NSD2: variants seen among roughly 807,000 people sequenced by gnomAD.
NSD2 encodes histone-lysine N-methyltransferase NSD2.
In NSD2, 12 loss-of-function variants were observed where a neutral mutation model predicts 139.0. That is an observed-to-expected ratio of 0.09 (90% confidence interval 0.06 to 0.14). The LOEUF (loss-of-function observed/expected upper bound fraction) is 0.14. NSD2 is among the 10% of genes least tolerant of loss of function. The pLI is 1.00. For synonymous variants in NSD2, 669 were observed against 648.7 expected (o/e 1.03, Z -0.48); for missense variants, 1,155 against 1,745.0 (o/e 0.66, Z 6.02).
chr4:1,916,782 AG>A (rs1051320673), intron 3 of NSD2, 88 bp from the exon 4 acceptor site: 1 of 1,354,544 alleles, frequency 7.4e-7, no homozygotes, highest in African/African-American at 1.5e-5. Flanking sequence ...GACAACACCA[AG>A]GGAAACAACT....
At chr4:1,877,833 TC>T (rs1393137001) in intron 1 of NSD2, among the ~76,000 whole-genome samples, 1 of 152,084 alleles carries the variant, frequency 6.6e-6, no homozygotes, top group Non-Finnish European at 1.5e-5. Flanking sequence ...TTTGTGCTTC[TC>T]CCTCTCGGGC....
chr4:1,898,584 C>A (rs182787950), intron 1 of NSD2, among the ~76,000 whole-genome samples: 24 of 150,180 alleles, frequency 1.6e-4, no homozygotes, highest in African/African-American at 5.4e-4. Context: ...GAATTGAACC[C>A]GGGAGGTGGA....
rs1399716256 is a variant in NSD2 at position 1,980,544 on chromosome 4, C to T, written c.*1635C>T. The T allele has an allele frequency of 2.6e-5, 6 of 233,086 alleles. No individual in the cohort carries two copies. The highest frequency in any genetic ancestry group is 4.2e-5 in the Non-Finnish European group (5 of 118,004). 14.4% of individuals were successfully genotyped at this position (233,086 alleles called of 1,614,324 possible). On this transcript the variant is annotated 3_prime_UTR_variant, in exon 22 of 22. Transcript: ENST00000508803. ...ATCTTTTATGCCTTGGTAAAAACTGCAGTGTCTTTGGACCTGAGAGTGGCT... is the reference window on the plus strand; with the variant it reads ...ATCTTTTATGCCTTGGTAAAAACTGTAGTGTCTTTGGACCTGAGAGTGGCT...
intron 6 of NSD2, among the ~76,000 whole-genome samples, chr4:1,931,336 C>T (rs1378365994): frequency 2.0e-5 from 3 of 152,100 alleles, no homozygotes; most frequent in East Asian, 3.9e-4. Context: ...CCTAGGCCTT[C>T]GGCTTAAAAA....
chr4:1,962,774 A>G (rs1432641265), intron 18 of NSD2, among the ~76,000 whole-genome samples: 1 of 152,134 alleles, frequency 6.6e-6, no homozygotes, highest in Non-Finnish European at 1.5e-5. Context: ...GGGCCTAAGC[A>G]ATCCTCTCAC....
intron 12 of NSD2, chr4:1,954,698 C>G (rs1724623179): frequency 6.5e-6 from 1 of 154,898 alleles, no homozygotes; most frequent in Non-Finnish European, 1.4e-5. Context: ...AAGAAAACAT[C>G]TTTAAATCAA....
At chr4:1,964,634 T>TGCC (rs1488070309) in intron 18 of NSD2, among the ~76,000 whole-genome samples, 16 of 152,278 alleles carry the variant, frequency 1.1e-4, no homozygotes, top group Non-Finnish European at 1.6e-4. Flanking sequence ...TGCGCTGCGC[T>TGCC]GCCGTTGTTA....
Position 1,900,768 on chromosome 4 carries a change from C to T in NSD2, c.114C>T (p.Cys38=), listed in dbSNP as rs759922625. 8.9e-5 allele frequency: 143 copies of T among 1,614,112 alleles called. No homozygotes were observed. The highest frequency in any genetic ancestry group is 1.1e-4 in the Non-Finnish European group (133 of 1,180,032). The change falls in exon 2 of 22, where the codon TGC becomes TGT. Residue 38 remains cysteine (C), a synonymous_variant. Transcript: ENST00000508803. ...LGSANGKTPS[C]EVNRECSVFL... ...GTGCCAACGGGAAGACTCCGAGCTGCGAGGTGAACCGCGAGTGTTCTGTGT... is the reference window on the plus strand; with the variant it reads ...GTGCCAACGGGAAGACTCCGAGCTGTGAGGTGAACCGCGAGTGTTCTGTGT...
intron 1 of NSD2, among the ~76,000 whole-genome samples, chr4:1,880,975 G>A (rs544520823): frequency 6.6e-6 from 1 of 152,274 alleles, no homozygotes; most frequent in African/African-American, 2.4e-5. Context: ...GGTTTGTTAT[G>A]TTTAGTAATT....
chr4:1,961,780 A>G (rs1166293967), intron 18 of NSD2, among the ~76,000 whole-genome samples: 1 of 152,216 alleles, frequency 6.6e-6, no homozygotes, highest in Non-Finnish European at 1.5e-5. Context: ...CAATGGCCAC[A>G]GCCCTGTGGG....
At chr4:1,912,141 C>T (rs1295028596) in intron 3 of NSD2, 1 of 392,224 alleles carries the variant, frequency 2.5e-6, no homozygotes, top group Non-Finnish European at 5.1e-6. Context: ...TCAAATTGTA[C>T]TGAAAGATTA....
Position 1,930,744 on chromosome 4 carries a change from C to T in NSD2, c.1529C>T (p.Ala510Val), listed in dbSNP as rs769675903. ...TACAACACCAAGTTTGCCCTGGTGGCCCCTGTCCAGGCTGAAGAAGACTCT... is the reference window on the plus strand; with the variant it reads ...TACAACACCAAGTTTGCCCTGGTGGTCCCTGTCCAGGCTGAAGAAGACTCT... ...ARYNTKFALV[A>V]PVQAEEDSGN... The change falls in exon 6 of 22, where the codon GCC (alanine) becomes GTC (valine). Residue 510 changes from alanine to valine, a missense_variant. Physicochemically the swap from Ala to Val is moderately conservative, Grantham distance 64. Around this residue, in one of 8 missense-constraint regions of NSD2, gnomAD observed 420 missense variants for 469.0 expected, o/e 0.90. Coordinates refer to ENST00000508803, the MANE Select transcript of NSD2 (RefSeq NM_001042424.3). 3 of 1,613,456 alleles carry T rather than the reference C, an allele frequency of 1.9e-6. No homozygotes were observed. Among genetic ancestry groups the T allele is most frequent in the Non-Finnish European group, 2.5e-6 (3 of 1,179,814 alleles).
At chr4:1,939,988 C>T (rs541272408) in intron 9 of NSD2, 16 of 1,422,178 alleles carry the variant, frequency 1.1e-5, no homozygotes, top group Middle Eastern at 2.5e-4. Context: ...TTTATACACA[C>T]GCACACAGTG....
chr4:1,912,537 C>T (rs1023974457), intron 3 of NSD2, among the ~76,000 whole-genome samples: 2 of 151,720 alleles, frequency 1.3e-5, no homozygotes, highest in African/African-American at 4.8e-5. Context: ...TAATTTTTTT[C>T]AAGTATTCAT....
At chr4:1,903,831 T>C (rs902655545) in intron 2 of NSD2, among the ~76,000 whole-genome samples, 25 of 150,346 alleles carry the variant, frequency 1.7e-4, no homozygotes, top group African/African-American at 5.2e-4. Flanking sequence ...GCCTCCCGGG[T>C]TCACGCCATT....
At chr4:1,934,905 A>ATATATATATATG (rs1383288554) in intron 6 of NSD2, among the ~76,000 whole-genome samples, 10 of 131,588 alleles carry the variant, frequency 7.6e-5, no homozygotes, top group African/African-American at 2.9e-4. Flanking sequence ...ATATATATAT[A>ATATATATATATG]TATAAAAAAC....
chr4:1,955,709 C>T lies in NSD2; in HGVS notation c.2535C>T (p.Cys845=). The T allele has an allele frequency of 6.2e-7, 1 of 1,613,616 alleles. No individual in the cohort carries two copies. Among genetic ancestry groups the T allele is most frequent in the Non-Finnish European group, 8.5e-7 (1 of 1,179,814 alleles). ...FVCSKGGSLL[C]CESCPAAFHP... ...CTCTTGCAGGGGGGAGCCTTCTGTG[C>T]TGTGAGTCCTGCCCAGCGGCCTTCC... Residue 845 remains cysteine (C), a synonymous_variant, in exon 14 of 22, where the codon TGC becomes TGT. Coordinates refer to ENST00000508803, the MANE Select transcript of NSD2 (RefSeq NM_001042424.3). The surrounding 1 kb of genome is among the most constrained non-coding windows in gnomAD (Gnocchi z 4.7).
At chr4:1,938,377 C>G in intron 7 of NSD2, 74 bp from the exon 8 acceptor site, 4 of 978,406 alleles carry the variant, frequency 4.1e-6, no homozygotes, top group Non-Finnish European at 3.8e-6. Context: ...TGTTCTTTTT[C>G]TTTTTTTTTC....
intron 17 of NSD2, among the ~76,000 whole-genome samples, chr4:1,960,210 C>T (rs2108973647): frequency 6.6e-6 from 1 of 152,302 alleles, no homozygotes; most frequent in East Asian, 1.9e-4. Context: ...TAAAATGTTA[C>T]ATGAAAGGTA....
Sources: allele counts gnomAD v4.1 joint callset (sites outside exome capture counted in the v4.1 genomes callset), GRCh38; gene constraint gnomAD v4.1.1; regional missense constraint gnomAD v4.1.1; non-coding constraint Gnocchi (gnomAD v3.1); transcripts MANE v1.5; gene names NCBI Gene and HGNC (gene_info 2026-07-23, HGNC 2026-07-21).